Variants in AGFG1 observed in about 807,000 individuals in gnomAD.
AGFG1 encodes the protein ArfGAP with FG repeats 1.
In AGFG1, 10 loss-of-function variants were observed where a neutral mutation model predicts 60.6. The ratio of observed to expected loss-of-function variants is 0.16; its 90% CI spans 0.10 to 0.28. The LOEUF is 0.28. Ranked by LOEUF, AGFG1 falls within the 10% of genes least tolerant of loss-of-function variation. The pLI, the probability that AGFG1 is intolerant of heterozygous loss-of-function variation, is 1.00. For missense variants in AGFG1, 537 were observed against 676.5 expected, an observed-to-expected ratio of 0.79 and a Z score of 2.29; for synonymous variants, 247 against 242.9, an observed-to-expected ratio of 1.02 and a Z score of -0.16.
intron 10 of AGFG1, 36 bp from the exon 11 acceptor site, chr2:227,551,923 G>C (rs757319979): frequency 6.2e-7 from 1 of 1,601,252 alleles, no homozygotes; most frequent in East Asian, 2.2e-5. Flanking sequence ...AACATATCCT[G>C]TTGTATGTAA....
chr2:227,476,156 CAG>C (rs1690275158), intron 1 of AGFG1, among the ~76,000 whole-genome samples: 1 of 151,984 alleles, frequency 6.6e-6, no homozygotes, highest in Non-Finnish European at 1.5e-5. Context: ...AAATGAACTT[CAG>C]AGTTAGATGC....
At chr2:227,483,469 C>A (rs1252022315) in intron 1 of AGFG1, among the ~76,000 whole-genome samples, 1 of 152,142 alleles carries the variant, frequency 6.6e-6, no homozygotes. Context: ...TTTTCCATCA[C>A]CCCAAAAAAC....
intron 2 of AGFG1, among the ~76,000 whole-genome samples, chr2:227,515,163 C>A (rs1451166999): frequency 6.6e-6 from 1 of 152,046 alleles, no homozygotes; most frequent in African/African-American, 2.4e-5. Flanking sequence ...TCAAGCAATC[C>A]ATCCGTTTGG....
At chr2:227,518,152 G>T (rs1691710462) in intron 2 of AGFG1, among the ~76,000 whole-genome samples, 1 of 152,086 alleles carries the variant, frequency 6.6e-6, no homozygotes, top group Admixed American at 6.5e-5. Flanking sequence ...CCTTTTAATT[G>T]CTGAATAATG....
rs371112131 is a variant in AGFG1 at position 227,515,563 on chromosome 2, A to G, written c.262-4385A>G. Among the ~76,000 whole-genome samples the G allele has an allele frequency of 1.3e-5, 2 of 152,018 alleles. 1 individual carries two copies. Among genetic ancestry groups the G allele is most frequent in the East Asian group, 3.9e-4 (2 of 5,146 alleles). ...CTTTATTTTTCTTAGCTTAGATTCC[A>G]TGGTCTGTTAATATAATCACCTTTT... On this transcript the variant is annotated intron_variant, in intron 2 of 12. Coordinates refer to ENST00000310078, the MANE Select transcript of AGFG1 (RefSeq NM_004504.5).
intron 7 of AGFG1, among the ~76,000 whole-genome samples, chr2:227,534,169 G>T (rs1224811013): frequency 3.9e-5 from 6 of 151,936 alleles, no homozygotes. Context: ...AAAAATTCAT[G>T]AATTTTACAG....
chr2:227,475,664 T>A (rs1421326557), intron 1 of AGFG1, among the ~76,000 whole-genome samples: 2 of 152,238 alleles, frequency 1.3e-5, no homozygotes, highest in African/African-American at 4.8e-5. Flanking sequence ...CTTCGTGGCT[T>A]AGGGCAAGGT....
chr2:227,499,731 G>A (rs1691091998), intron 2 of AGFG1, among the ~76,000 whole-genome samples: 3 of 152,160 alleles, frequency 2.0e-5, no homozygotes, highest in Admixed American at 2.0e-4. Flanking sequence ...ACCTGTATTA[G>A]TAGTATGTGG....
At chr2:227,524,185 A>G (rs578154086) in intron 4 of AGFG1, among the ~76,000 whole-genome samples, 29 of 152,176 alleles carry the variant, frequency 1.9e-4, no homozygotes, top group Admixed American at 5.2e-4. Context: ...TGCTATAGCT[A>G]TATATATGTG....
chr2:227,482,853 G>T (rs760875568), intron 1 of AGFG1, among the ~76,000 whole-genome samples: 2 of 152,166 alleles, frequency 1.3e-5, no homozygotes, highest in Non-Finnish European at 2.9e-5. Flanking sequence ...ATCTCCTGGG[G>T]ATCTGCAGAT....
chr2:227,474,354 C>G (rs1372476733), intron 1 of AGFG1, among the ~76,000 whole-genome samples: 1 of 152,190 alleles, frequency 6.6e-6, no homozygotes. Context: ...ATTTACACTT[C>G]CGGATTTCTG....
chr2:227,504,891 A>G (rs1691264227), intron 2 of AGFG1, among the ~76,000 whole-genome samples: 1 of 152,032 alleles, frequency 6.6e-6, no homozygotes, highest in Non-Finnish European at 1.5e-5. Context: ...ACTTGAAAGG[A>G]GTGTGTTTTC....
At position 227,531,220 on chromosome 2, in the gene AGFG1, C is replaced by T. The variant is rs765087715; in HGVS notation, c.814+10C>T. The T allele has an allele frequency of 1.2e-6, 2 of 1,610,446 alleles. No homozygotes were observed. The highest frequency in any genetic ancestry group is 8.5e-7 in the Non-Finnish European group (1 of 1,178,808). Reference sequence around the variant, plus strand: ...CAGCCCCAAACTACAGGTAGAGCTTCTCCAGCATTGTGCTTAAATGTTTAC... The same window carrying T: ...CAGCCCCAAACTACAGGTAGAGCTTTTCCAGCATTGTGCTTAAATGTTTAC... On this transcript the variant is annotated intron_variant, in intron 6 of 12. Transcript: ENST00000310078.
At chr2:227,535,073 T>C in intron 8 of AGFG1, 48 bp downstream of exon 8, 1 of 1,418,354 alleles carries the variant, frequency 7.1e-7, no homozygotes. Flanking sequence ...ATCTTTTTTT[T>C]CCAACTTTGA....
At chr2:227,538,580 T>C (rs538629906) in intron 10 of AGFG1, among the ~76,000 whole-genome samples, 13 of 152,340 alleles carry the variant, frequency 8.5e-5, no homozygotes, top group African/African-American at 2.9e-4. Context: ...GTTGTCCCTC[T>C]CTATAGAATG....
At chr2:227,487,524 T>G (rs1483406584) in intron 1 of AGFG1, among the ~76,000 whole-genome samples, 5 of 152,228 alleles carry the variant, frequency 3.3e-5, no homozygotes, top group Non-Finnish European at 5.9e-5. Flanking sequence ...TCCTCTTTGG[T>G]GTGAAGTGTT....
intron 10 of AGFG1, among the ~76,000 whole-genome samples, chr2:227,543,795 T>A (rs1048916370): frequency 6.6e-5 from 10 of 152,206 alleles, no homozygotes; most frequent in Admixed American, 3.3e-4. Flanking sequence ...AGTCTAAGTC[T>A]CTTTGTAGGT....
chr2:227,504,621 A>G (rs4246651), intron 2 of AGFG1, among the ~76,000 whole-genome samples: 91,395 of 151,654 alleles, frequency 0.6, 27,530 homozygotes, highest in South Asian at 0.69. Context: ...TGTGCTATAC[A>G]AATGTTGATG....
intron 2 of AGFG1, among the ~76,000 whole-genome samples, chr2:227,507,412 C>T (rs1691352010): frequency 6.6e-6 from 1 of 151,970 alleles, no homozygotes; most frequent in Non-Finnish European, 1.5e-5. Flanking sequence ...ACCATCTTGG[C>T]TAACATGGTG....
Sources: gnomAD v4.1 joint callset for allele counts (sites outside exome capture counted in the v4.1 genomes callset) on GRCh38, gnomAD v4.1.1 for gene constraint, MANE v1.5 for transcripts, NCBI Gene and HGNC (gene_info 2026-07-23, HGNC 2026-07-21) for gene names.